Variants in JADE2 observed in about 807,000 individuals in gnomAD.
The protein encoded by JADE2 is E3 ubiquitin-protein ligase Jade-2.
In JADE2, 13 loss-of-function variants were observed where a neutral mutation model predicts 85.7. That is an observed-to-expected ratio of 0.15 (90% CI 0.10 to 0.24). JADE2 has a LOEUF of 0.24. Among genes scored for constraint, JADE2 ranks in the 10% least tolerant of loss-of-function variants. JADE2 has a pLI of 1.00. For synonymous variants in JADE2, 440 were observed against 456.1 expected, an observed-to-expected ratio of 0.96 and a Z score of 0.45; for missense variants, 846 against 1,115.9, an observed-to-expected ratio of 0.76 and a Z score of 3.45.
At chr5:134,543,137 C>T (rs1466291634) in intron 3 of JADE2, among the ~76,000 whole-genome samples, 4 of 149,156 alleles carry the variant, frequency 2.7e-5, no homozygotes, top group African/African-American at 4.9e-5. Context: ...TGGGTTTAGG[C>T]AATTCCCCTG....
Position 134,566,211 on chromosome 5 carries a change from C to A in JADE2, c.1065C>A (p.Val355=), listed in dbSNP as rs776562479. ...MRTILADNDE[V]KFKSFCQEHS... is the part of the protein sequence containing the mutation. Reference sequence around the variant, plus strand: ...CTATATTAGCAGACAACGATGAGGTCAAGTTCAAGTCATTCTGCCAGGAGC... The same window carrying A: ...CTATATTAGCAGACAACGATGAGGTAAAGTTCAAGTCATTCTGCCAGGAGC... The change falls in exon 9 of 12, where the codon GTC becomes GTA. Residue 355 remains valine, a synonymous_variant. Transcript: ENST00000681547. The surrounding 1 kb of genome is among the most constrained non-coding windows in gnomAD (Gnocchi z 6.7). 7 of 1,614,144 alleles carry A rather than the reference C, an allele frequency of 4.3e-6. No individual in the cohort carries two copies. In the South Asian group the frequency reaches 7.7e-5, roughly 18 times the overall value.
At chr5:134,528,123 A>AG (rs1760989054) in intron 1 of JADE2, among the ~76,000 whole-genome samples, 1 of 152,246 alleles carries the variant, frequency 6.6e-6, no homozygotes, top group Non-Finnish European at 1.5e-5. Flanking sequence ...ACAGGCTGTC[A>AG]GGACGCCCCC....
chr5:134,564,577 C>G lies in JADE2; in HGVS notation c.936C>G (p.Ser312Arg). 1 of 1,562,926 alleles carries G rather than the reference C, an allele frequency of 6.4e-7. No individual in the cohort carries two copies. Among genetic ancestry groups the G allele is most frequent in the Non-Finnish European group, 8.7e-7 (1 of 1,153,388 alleles). ...IPASRWALSC[S>R]LCKECTGTCI... is the part of the protein sequence containing the mutation. The stretch of plus-strand genomic sequence containing the variant: ...CCAGCCGCTGGGCTCTGTCCTGCAG[C>G]CTCTGCAAGGAATGCACAGGCACCT... The change falls in exon 8 of 12, where the codon AGC becomes AGG. Residue 312 changes from serine (S) to arginine (R), a missense_variant. Physicochemically the swap from Ser to Arg is moderately radical, Grantham distance 110. Transcript: ENST00000681547.
At chr5:134,537,769 T>C (rs1438574264) in intron 2 of JADE2, among the ~76,000 whole-genome samples, 1 of 152,132 alleles carries the variant, frequency 6.6e-6, no homozygotes, top group Non-Finnish European at 1.5e-5. Context: ...TAACAGCCTT[T>C]GATTTCTCCA....
chr5:134,543,293 G>A (rs1007651948), intron 3 of JADE2, among the ~76,000 whole-genome samples: 3 of 150,364 alleles, frequency 2.0e-5, no homozygotes, highest in African/African-American at 7.3e-5. Flanking sequence ...GCCTCCCAAA[G>A]TGCTGGGATT....
chr5:134,526,400 C>T, intron 1 of JADE2: 10 of 985,286 alleles, frequency 1.0e-5, no homozygotes, highest in Non-Finnish European at 1.2e-5. Context: ...GGGCTCCGGC[C>T]GGGCGTAGGG....
intron 4 of JADE2, among the ~76,000 whole-genome samples, chr5:134,556,272 G>T (rs1227881242): frequency 6.6e-6 from 1 of 152,218 alleles, no homozygotes; most frequent in African/African-American, 2.4e-5. Context: ...ACCAGCGGGG[G>T]GTGGGAAGAG....
At chr5:134,573,040 G>A (rs1186364740) in intron 9 of JADE2, among the ~76,000 whole-genome samples, 1 of 152,262 alleles carries the variant, frequency 6.6e-6, no homozygotes, top group Non-Finnish European at 1.5e-5. Context: ...TGGGTTGGCT[G>A]CAGGCTGGGC....
intron 1 of JADE2, among the ~76,000 whole-genome samples, chr5:134,530,952 C>T (rs1046672374): frequency 5.3e-5 from 8 of 152,184 alleles, no homozygotes; most frequent in Admixed American, 1.3e-4. Context: ...GGGGTTCTGG[C>T]TGGAGTCTAA....
chr5:134,553,338 C>CT (rs1398467546), intron 4 of JADE2, among the ~76,000 whole-genome samples: 11 of 142,022 alleles, frequency 7.7e-5, no homozygotes, highest in African/African-American at 2.6e-4. Context: ...ATATGGCATG[C>CT]TTTTTTTTTT....
chr5:134,559,724 C>A, intron 4 of JADE2, 106 bp from the exon 5 acceptor site: 3 of 1,153,640 alleles, frequency 2.6e-6, no homozygotes, highest in Non-Finnish European at 3.6e-6. Flanking sequence ...GGTGTCAAAG[C>A]ACACTTGTCC....
intron 4 of JADE2, among the ~76,000 whole-genome samples, chr5:134,557,221 G>T (rs2589406): frequency 0.87 from 130,910 of 150,730 alleles, 57,823 homozygotes; most frequent in Non-Finnish European, 0.96. Context: ...TGATGATGAT[G>T]ATTATTATTT....
chr5:134,556,954 A>ACACACACACCT (rs1322362542), intron 4 of JADE2, among the ~76,000 whole-genome samples: 2 of 93,676 alleles, frequency 2.1e-5, no homozygotes, highest in African/African-American at 3.7e-5. Context: ...CACACACACC[A>ACACACACACCT]CACACACACC....
rs1260919239 is a variant in JADE2 at position 134,581,468 on chromosome 5, G to A, written c.*2151G>A. ...CAACCAAACTCTGCCAGGGGTCCCA[G>A]AAAGCCCAGGGTCCAGCAGTCTCAG... On this transcript the variant is annotated 3_prime_UTR_variant, in exon 12 of 12. Coordinates refer to ENST00000681547, the MANE Select transcript of JADE2 (RefSeq NM_001388185.1). 3.9e-5 allele frequency: 6 copies of A among 152,690 alleles called. No homozygotes were observed. Among genetic ancestry groups the A allele is most frequent in the Admixed American group, 3.9e-4 (6 of 15,290 alleles). The allele number at this position is 152,690 out of a possible 1,614,324, so 9.5% of individuals were successfully genotyped here.
intron 4 of JADE2, among the ~76,000 whole-genome samples, chr5:134,557,284 T>A (rs558218423): frequency 0.027 from 4,092 of 150,112 alleles, 86 homozygotes; most frequent in Middle Eastern, 0.07. Context: ...TTTTTTATTT[T>A]TTTTTTTTTC....
intron 4 of JADE2, among the ~76,000 whole-genome samples, chr5:134,558,409 G>T (rs1368074406): frequency 2.0e-5 from 3 of 147,372 alleles, no homozygotes; most frequent in Non-Finnish European, 3.0e-5. Flanking sequence ...GTCAATTTTG[G>T]CTTTTGTTGC....
At chr5:134,549,275 A>G (rs1272355610) in intron 3 of JADE2, among the ~76,000 whole-genome samples, 1 of 152,108 alleles carries the variant, frequency 6.6e-6, no homozygotes, top group East Asian at 1.9e-4. Context: ...TGTAATCCCA[A>G]CACTTTAGAA....
intron 1 of JADE2, chr5:134,533,737 T>TC (rs1491148617): frequency 1.6e-4 from 4 of 25,006 alleles, no homozygotes; most frequent in African/African-American, 6.4e-4. Flanking sequence ...ACACTCTCTC[T>TC]TTTTTTTTTT....
In JADE2 at chr5:134,562,224, C is replaced by T. The variant is rs1035301807; in HGVS notation, c.709C>T (p.Pro237Ser). The change falls in exon 7 of 12, where the codon CCC becomes TCC. Residue 237 changes from proline (P) to serine (S), a missense_variant. Physicochemically the swap from Pro to Ser is moderately conservative, Grantham distance 74. Around this residue, in one of 9 missense-constraint regions of JADE2, gnomAD observed 129 missense variants for 255.4 expected, o/e 0.51. Coordinates refer to ENST00000681547, the MANE Select transcript of JADE2 (RefSeq NM_001388185.1). This position sits in a 1 kb window ranked among gnomAD's most constrained non-coding sequence, Gnocchi z 4.6. ...HQACYGILKV[P>S]TGSWLCRTCA... ...GGCATGCTACGGGATCCTCAAGGTG[C>T]CCACGGGCAGCTGGCTGTGCCGGAC... The T allele has an allele frequency of 1.2e-6, 2 of 1,612,886 alleles. No individual in the cohort carries two copies. Among genetic ancestry groups the T allele is most frequent in the Non-Finnish European group, 1.7e-6 (2 of 1,179,496 alleles).
Sources: allele counts gnomAD v4.1 joint callset (sites outside exome capture counted in the v4.1 genomes callset), GRCh38; gene constraint gnomAD v4.1.1; regional missense constraint gnomAD v4.1.1; non-coding constraint Gnocchi (gnomAD v3.1); transcripts MANE v1.5; gene names NCBI Gene and HGNC (gene_info 2026-07-23, HGNC 2026-07-21).